The following BNC2 variants were observed in gnomAD, a reference collection of about 807,000 sequenced individuals.
BNC2 encodes zinc finger protein basonuclin-2.
A neutral mutation model predicts 76.3 loss-of-function variants in BNC2; 20 were observed. The observed-to-expected ratio is 0.26, with a 90% confidence interval of 0.18 to 0.38. BNC2 has a LOEUF of 0.38. BNC2 is among the 10% of genes least tolerant of loss of function. BNC2 has a pLI of 1.00. For synonymous variants in BNC2, 582 were observed against 514.8 expected (o/e 1.13, Z -1.77); for missense variants, 1,382 against 1,399.8 (o/e 0.99, Z 0.20).
At chr9:16,838,774 A>G (rs1322285404) in intron 1 of BNC2, among the ~76,000 whole-genome samples, 1 of 152,186 alleles carries the variant, frequency 6.6e-6, no homozygotes, top group East Asian at 1.9e-4. Flanking sequence ...TATTTCAACT[A>G]TGGATTCAAC....
intron 5 of BNC2, among the ~76,000 whole-genome samples, chr9:16,512,846 TGA>T (rs57517034): frequency 0.093 from 14,199 of 151,998 alleles, 1,939 homozygotes; most frequent in African/African-American, 0.3. Flanking sequence ...TAAAAAATAA[TGA>T]GATATGGCTG....
intron 3 of BNC2, among the ~76,000 whole-genome samples, chr9:16,652,105 G>C (rs903528072): frequency 6.6e-6 from 1 of 152,154 alleles, no homozygotes; most frequent in Non-Finnish European, 1.5e-5. Flanking sequence ...CCCAAAGGCA[G>C]ACTTGTTCAG....
At chr9:16,853,736 T>C (rs1819185731) in intron 1 of BNC2, among the ~76,000 whole-genome samples, 1 of 151,978 alleles carries the variant, frequency 6.6e-6, no homozygotes, top group East Asian at 1.9e-4. Context: ...GACGTGGTAG[T>C]GCATATCTGT....
intron 3 of BNC2, among the ~76,000 whole-genome samples, chr9:16,589,816 CT>C (rs1165654716): frequency 1.3e-5 from 2 of 152,144 alleles, no homozygotes; most frequent in East Asian, 3.9e-4. Flanking sequence ...CCCTAAAAAC[CT>C]TTTTAACTCT....
At chr9:16,485,132 T>A (rs774739403) in intron 5 of BNC2, among the ~76,000 whole-genome samples, 24 of 135,452 alleles carry the variant, frequency 1.8e-4, no homozygotes, top group Non-Finnish European at 2.4e-4. Flanking sequence ...ACACACACAC[T>A]ATTTCTATTT....
intron 1 of BNC2, among the ~76,000 whole-genome samples, chr9:16,752,882 G>A (rs1825264189): frequency 6.6e-6 from 1 of 152,104 alleles, no homozygotes; most frequent in Admixed American, 6.5e-5. Flanking sequence ...GACACTTAGG[G>A]TTTCTAAATG....
At chr9:16,628,167 G>T (rs1821051222) in intron 3 of BNC2, among the ~76,000 whole-genome samples, 1 of 152,162 alleles carries the variant, frequency 6.6e-6, no homozygotes, top group African/African-American at 2.4e-5. Flanking sequence ...CCAGCTGTGT[G>T]ACAGTCTTGC....
chr9:16,711,777 AC>A (rs1298884076), intron 3 of BNC2, among the ~76,000 whole-genome samples: 3 of 152,236 alleles, frequency 2.0e-5, no homozygotes, highest in Admixed American at 1.3e-4. Context: ...AACAATGAAT[AC>A]ATGCATGAAA....
At chr9:16,585,636 C>A (rs1819746799) in intron 3 of BNC2, among the ~76,000 whole-genome samples, 1 of 152,248 alleles carries the variant, frequency 6.6e-6, no homozygotes, top group Middle Eastern at 3.4e-3. Context: ...CAGCATAAAA[C>A]TTTGACATAC....
At chr9:16,804,001 A>G (rs987684379) in intron 1 of BNC2, among the ~76,000 whole-genome samples, 2 of 152,244 alleles carry the variant, frequency 1.3e-5, no homozygotes, top group Non-Finnish European at 2.9e-5. Flanking sequence ...CAGTTTTTGT[A>G]TAACAATGAG....
intron 1 of BNC2, among the ~76,000 whole-genome samples, chr9:16,792,865 C>T (rs1300626019): frequency 6.6e-6 from 1 of 152,146 alleles, no homozygotes; most frequent in Admixed American, 6.5e-5. Flanking sequence ...GGAATAGGAA[C>T]GTGGGAGCCT....
intron 3 of BNC2, among the ~76,000 whole-genome samples, chr9:16,629,640 C>T (rs1268422563): frequency 6.6e-6 from 1 of 152,160 alleles, no homozygotes; most frequent in Non-Finnish European, 1.5e-5. Flanking sequence ...CACTCCAAAC[C>T]ACCACATAAA....
intron 5 of BNC2, among the ~76,000 whole-genome samples, chr9:16,471,859 G>A (rs1821833085): frequency 6.6e-6 from 1 of 152,114 alleles, no homozygotes; most frequent in Non-Finnish European, 1.5e-5. Flanking sequence ...GCACCGAGGG[G>A]GAGGTAACTG....
At chr9:16,626,361 A>G (rs1055583639) in intron 3 of BNC2, 2 of 152,218 alleles carry the variant, frequency 1.3e-5, no homozygotes, top group African/African-American at 4.8e-5. Flanking sequence ...TGCAAAGGCG[A>G]TAAATGCTTA....
Position 16,582,892 on chromosome 9 carries a change from G to GACACACACACACACACACAAAC in BNC2, c.433+90_433+91insGTTTGTGTGTGTGTGTGTGTGT, listed in dbSNP as rs1554680074. 9.6e-6 allele frequency: 6 copies of GACACACACACACACACACAAAC among 626,976 alleles called. No homozygotes were observed. In the African/African-American group the frequency reaches 1.0e-4, roughly 11 times the overall value. 38.8% of individuals were successfully genotyped at this position (626,976 alleles called of 1,614,324 possible). On this transcript the variant is annotated intron_variant, in intron 4 of 6. Transcript: ENST00000380672. ...TCCAGGCCAGTGACTCCTCTAAACA[G>GACACACACACACACACACAAAC]ACACACACACACACACACACACACA... is the stretch of plus-strand genomic sequence containing the variant.
At chr9:16,808,413 G>A (rs575786544) in intron 1 of BNC2, among the ~76,000 whole-genome samples, 33 of 149,438 alleles carry the variant, frequency 2.2e-4, no homozygotes, top group Non-Finnish European at 4.2e-4. Flanking sequence ...GTCAGGCCCT[G>A]GAATCACACC....
In BNC2 at chr9:16,564,891, G is replaced by A. The variant is rs555786849; in HGVS notation, c.434-12126C>T. 5.3e-5 allele frequency among the ~76,000 whole-genome samples: 8 copies of A among 151,872 alleles called. No individual in the cohort carries two copies. In the East Asian group the frequency reaches 5.8e-4, roughly 11 times the overall value. On this transcript the variant is annotated intron_variant, in intron 4 of 6. Coordinates refer to ENST00000380672, the MANE Select transcript of BNC2 (RefSeq NM_017637.6). Reference sequence around the variant, plus strand: ...AGATAAAAGTTTCTATCTTGGTGGCGGTGTTGTCTCCCTTAACATTATCTA... The same window carrying A: ...AGATAAAAGTTTCTATCTTGGTGGCAGTGTTGTCTCCCTTAACATTATCTA...
chr9:16,856,695 C>T (rs1819266435), intron 1 of BNC2, among the ~76,000 whole-genome samples: 1 of 152,180 alleles, frequency 6.6e-6, no homozygotes, highest in Non-Finnish European at 1.5e-5. Flanking sequence ...CGTTAATGCA[C>T]ATTAAGGCAA....
chr9:16,768,254 C>CTGTATG (rs1397438255), intron 1 of BNC2, among the ~76,000 whole-genome samples: 1 of 152,086 alleles, frequency 6.6e-6, no homozygotes, highest in Non-Finnish European at 1.5e-5. Context: ...GCGTGAACCA[C>CTGTATG]CATGACAGGC....
Sources: allele counts gnomAD v4.1 joint callset (sites outside exome capture counted in the v4.1 genomes callset), GRCh38; gene constraint gnomAD v4.1.1; transcripts MANE v1.5; gene names NCBI Gene and HGNC (gene_info 2026-07-23, HGNC 2026-07-21).